MINDY3: variants seen among roughly 807,000 people sequenced by gnomAD.
The protein encoded by MINDY3 is ubiquitin carboxyl-terminal hydrolase MINDY-3.
Under a neutral mutation model 69.2 loss-of-function variants are expected in MINDY3, and 38 were observed. The ratio of observed to expected loss-of-function variants is 0.55; its 90% CI spans 0.42 to 0.72. The LOEUF (loss-of-function observed/expected upper bound fraction) is 0.72, where lower values mean the gene tolerates loss of function less well. Ranked by LOEUF, MINDY3 falls within the 30% of genes least tolerant of loss-of-function variation. The probability of loss-of-function intolerance (pLI) is 0.00; values close to 1 mark genes in which losing one functional copy is unlikely to be tolerated. For synonymous variants in MINDY3, 192 were observed against 180.1 expected (o/e 1.07, Z -0.53); for missense variants, 522 against 519.0 (o/e 1.01, Z -0.06).
At chr10:15,848,938 C>T (rs1834069805) in intron 1 of MINDY3, among the ~76,000 whole-genome samples, 1 of 152,182 alleles carries the variant, frequency 6.6e-6, no homozygotes, top group East Asian at 1.9e-4. Context: ...TTCAGACATT[C>T]AGCCAAACCA....
chr10:15,834,473 T>C (rs1300541681), intron 7 of MINDY3, 70 bp downstream of exon 7: 4 of 1,057,160 alleles, frequency 3.8e-6, no homozygotes, highest in South Asian at 1.3e-5. Context: ...GACTCAGTCA[T>C]GTTTTATCTG....
chr10:15,817,108 G>A, intron 9 of MINDY3, 193 bp from the exon 10 acceptor site: 1 of 540,768 alleles, frequency 1.8e-6, no homozygotes, highest in Non-Finnish European at 3.2e-6. Context: ...TGTCAGTACT[G>A]AGCTTATATT....
intron 8 of MINDY3, among the ~76,000 whole-genome samples, chr10:15,828,676 T>C (rs1272358877): frequency 3.3e-5 from 5 of 152,208 alleles, no homozygotes; most frequent in African/African-American, 1.2e-4. Flanking sequence ...AAGACGTATA[T>C]ACAAAACATG....
chr10:15,837,851 G>A (rs1833193449), intron 5 of MINDY3: 7 of 957,340 alleles, frequency 7.3e-6, no homozygotes, highest in Non-Finnish European at 8.7e-6. Flanking sequence ...CAAAAATATC[G>A]GTATTCTTAA....
chr10:15,858,164 A>G (rs116314887), intron 1 of MINDY3, among the ~76,000 whole-genome samples: 5,349 of 152,280 alleles, frequency 0.035, 279 homozygotes, highest in African/African-American at 0.12. Flanking sequence ...CTTCAAAAAT[A>G]TATGTTTGGT....
At chr10:15,834,392 T>C (rs2132059602) in intron 7 of MINDY3, 151 bp downstream of exon 7, 5 of 445,466 alleles carry the variant, frequency 1.1e-5, no homozygotes, top group Non-Finnish European at 1.2e-5. Context: ...AAGCAAACAA[T>C]GCATAATACA....
At chr10:15,835,252 C>A (rs1453375056) in intron 6 of MINDY3, among the ~76,000 whole-genome samples, 1 of 152,036 alleles carries the variant, frequency 6.6e-6, no homozygotes, top group African/African-American at 2.4e-5. Flanking sequence ...GTTCTACATA[C>A]TGGATAAGTA....
At chr10:15,812,343 C>T (rs566652971) in intron 10 of MINDY3, among the ~76,000 whole-genome samples, 1 of 152,276 alleles carries the variant, frequency 6.6e-6, no homozygotes, top group Non-Finnish European at 1.5e-5. Flanking sequence ...CTCACAACAT[C>T]TTTTACTTTA....
chr10:15,811,008 A>G (rs1213335089), intron 10 of MINDY3, among the ~76,000 whole-genome samples: 2 of 152,152 alleles, frequency 1.3e-5, no homozygotes. Flanking sequence ...ACCCACTAGG[A>G]TGATTATAAT....
At chr10:15,851,617 C>G (rs1834304898) in intron 1 of MINDY3, among the ~76,000 whole-genome samples, 1 of 152,016 alleles carries the variant, frequency 6.6e-6, no homozygotes, top group South Asian at 2.1e-4. Context: ...TGTCCATTTC[C>G]ATCCCATCTC....
chr10:15,821,530 AG>A, intron 9 of MINDY3, 125 bp downstream of exon 9: 1 of 622,022 alleles, frequency 1.6e-6, no homozygotes, highest in Non-Finnish European at 2.7e-6. Flanking sequence ...GGGGATAGGA[AG>A]GAAGAAGAGA....
chr10:15,824,521 T>C (rs1424628568), intron 8 of MINDY3, among the ~76,000 whole-genome samples: 1 of 152,188 alleles, frequency 6.6e-6, no homozygotes, highest in East Asian at 1.9e-4. Flanking sequence ...TTTTAGAATC[T>C]TCAGGTTAAA....
At chr10:15,828,420 G>A (rs1024734327) in intron 8 of MINDY3, among the ~76,000 whole-genome samples, 3 of 152,164 alleles carry the variant, frequency 2.0e-5, no homozygotes, top group Non-Finnish European at 4.4e-5. Context: ...TGGCGTGGAA[G>A]GAAGTATAAG....
intron 6 of MINDY3, among the ~76,000 whole-genome samples, chr10:15,836,225 G>A (rs1445269668): frequency 6.6e-6 from 1 of 151,912 alleles, no homozygotes. Context: ...TATACTTGCA[G>A]TGCCCACTGC....
chr10:15,796,487 A>C (rs568450771), intron 10 of MINDY3, among the ~76,000 whole-genome samples: 20 of 151,098 alleles, frequency 1.3e-4, no homozygotes, highest in Middle Eastern at 3.4e-3. Flanking sequence ...AAAAAAAAAA[A>C]CAAAAAACAA....
intron 12 of MINDY3, 154 bp downstream of exon 12, chr10:15,789,093 G>T: frequency 2.0e-6 from 1 of 487,916 alleles, no homozygotes; most frequent in Non-Finnish European, 3.7e-6. Flanking sequence ...CTATAATATT[G>T]GATTAGTTCG....
At chr10:15,831,127 T>C (rs1840428524) in intron 8 of MINDY3, among the ~76,000 whole-genome samples, 1 of 152,008 alleles carries the variant, frequency 6.6e-6, no homozygotes, top group Non-Finnish European at 1.5e-5. Context: ...GAGAAGGGAT[T>C]TGAATTCACT....
intron 11 of MINDY3, among the ~76,000 whole-genome samples, chr10:15,792,907 A>T (rs1440204891): frequency 2.6e-5 from 4 of 152,096 alleles, no homozygotes; most frequent in Non-Finnish European, 5.9e-5. Flanking sequence ...TTTTAAAAAA[A>T]CAACACCATG....
intron 2 of MINDY3, among the ~76,000 whole-genome samples, chr10:15,845,063 C>G (rs1833732380): frequency 6.7e-6 from 1 of 149,698 alleles, no homozygotes; most frequent in African/African-American, 2.4e-5. Context: ...GCAAATATTT[C>G]TTAGTTTGGA....
Sources: gnomAD v4.1 joint callset for allele counts (sites outside exome capture counted in the v4.1 genomes callset) on GRCh38, gnomAD v4.1.1 for gene constraint, MANE v1.5 for transcripts, NCBI Gene and HGNC (gene_info 2026-07-23, HGNC 2026-07-21) for gene names.